OR8D4: variants seen among roughly 807,000 people sequenced by gnomAD.
OR8D4 encodes olfactory receptor family 8 subfamily D member 4, also known as olfactory receptor 8D4.
For synonymous variants in OR8D4, 141 were observed against 134.8 expected, an observed-to-expected ratio of 1.05 and a Z score of -0.32; for missense variants, 359 against 372.6, an observed-to-expected ratio of 0.96 and a Z score of 0.30.
chr11:123,904,331 C>T (rs917750329), intron 1 of OR8D4, among the ~76,000 whole-genome samples: 1 of 152,002 alleles, frequency 6.6e-6, no homozygotes, highest in East Asian at 1.9e-4. Flanking sequence ...GGAGAGGGAG[C>T]CCAGTAGGAA....
rs955343030 is a variant in OR8D4, at chr11:123,908,629, A to G, written c.*1253A>G. The G allele has an allele frequency of 6.6e-6, 1 of 152,258 alleles. No individual in the cohort carries two copies. The highest frequency in any genetic ancestry group is 2.1e-4 in the South Asian group (1 of 4,838). 9.4% of individuals were successfully genotyped at this position (152,258 alleles called of 1,614,324 possible). On this transcript the variant is annotated 3_prime_UTR_variant, in exon 2 of 2. Transcript: ENST00000641687. The stretch of plus-strand genomic sequence containing the variant: ...ATGATAGATAATACAGAGGTAGTTC[A>G]GTGAACAAACATAATTATAGATAAG...
rs61744420 is a variant in OR8D4 at position 123,907,047 on chromosome 11, A to C, written c.616A>C (p.Asn206His). Residue 206 changes from asparagine (N) to histidine (H), a missense_variant, in exon 2 of 2, where the codon AAC becomes CAC. Coordinates refer to ENST00000641687, the MANE Select transcript of OR8D4 (RefSeq NM_001005197.2). The part of the protein sequence containing the change: ...ELLIFVIGGF[N>H]MVATSLTIII... The stretch of plus-strand genomic sequence containing the variant: ...TTTGATTTTTGTCATTGGTGGATTT[A>C]ACATGGTGGCCACAAGCCTAACAAT... 1,105 of 1,614,084 alleles carry C rather than the reference A, an allele frequency of 6.8e-4. 6 individuals carry two copies. In the African/African-American group the frequency reaches 0.012, roughly 17 times the overall value.
rs1863219391 is a variant in OR8D4 at position 123,907,853 on chromosome 11, C to T, written c.*477C>T. 6.7e-6 allele frequency: 1 copy of T among 148,520 alleles called. No homozygotes were observed. The highest frequency in any genetic ancestry group is 1.5e-5 in the Non-Finnish European group (1 of 67,180). 9.2% of individuals were successfully genotyped at this position (148,520 alleles called of 1,614,324 possible). ...ATTACATTAATAACATGTAAAACAA[C>T]ATATATGAAAGTGAAAAGTAAAAAA... On this transcript the variant is annotated 3_prime_UTR_variant, in exon 2 of 2. Transcript: ENST00000641687.
At position 123,908,554 on chromosome 11, in the gene OR8D4, T is replaced by C. The variant is rs537522995; in HGVS notation, c.*1178T>C. The C allele has an allele frequency of 3.9e-5, 6 of 152,292 alleles. No homozygotes were observed. The East Asian group carries it at 1.2e-3, about 29-fold the overall frequency. The allele number at this position is 152,292 out of a possible 1,614,324, so 9.4% of individuals were successfully genotyped here. A position where few individuals can be genotyped will look rare whatever the true frequency, so the allele number is the denominator to read the frequency against. ...CACTGTTCTGAGTGTTGGAATATTA[T>C]GGTGAATATGATAGACAAGGTATCT... On this transcript the variant is annotated 3_prime_UTR_variant, in exon 2 of 2. Coordinates refer to ENST00000641687, the MANE Select transcript of OR8D4 (RefSeq NM_001005197.2).
In OR8D4 at chr11:123,906,385, A is replaced by T. The variant is rs545976883; in HGVS notation, c.-15-32A>T. The T allele has an allele frequency of 5.6e-6, 7 of 1,243,304 alleles. No homozygotes were observed. The East Asian group carries it at 1.2e-4, about 21-fold the overall frequency. The allele number at this position is 1,243,304 out of a possible 1,614,324, so 77.0% of individuals were successfully genotyped here. The stretch of plus-strand genomic sequence containing the variant: ...GTTTTCTATAGAAACAAACACTGAT[A>T]GAATTTGACTTTTTCTCTCTCATCT... On this transcript the variant is annotated intron_variant, in intron 1 of 1. Coordinates refer to ENST00000641687, the MANE Select transcript of OR8D4 (RefSeq NM_001005197.2).
At chr11:123,905,076 C>A (rs1388002297) in intron 1 of OR8D4, among the ~76,000 whole-genome samples, 1 of 152,146 alleles carries the variant, frequency 6.6e-6, no homozygotes, top group Non-Finnish European at 1.5e-5. Flanking sequence ...GCTTGCATTG[C>A]CAGTAGTGGC....
chr11:123,902,841 G>A (rs115680119), intron 1 of OR8D4, among the ~76,000 whole-genome samples: 354 of 152,208 alleles, frequency 2.3e-3, no homozygotes, highest in African/African-American at 7.9e-3. Flanking sequence ...TGGCTACTGA[G>A]CATTTGAAAT....
chr11:123,907,336 T>G lies in OR8D4; in HGVS notation c.905T>G (p.Met302Arg). 6.7e-7 allele frequency: 1 copy of G among 1,494,292 alleles called. No homozygotes were observed. The highest frequency in any genetic ancestry group is 9.2e-7 in the Non-Finnish European group (1 of 1,089,810). 92.6% of individuals were successfully genotyped at this position (1,494,292 alleles called of 1,614,324 possible). A position where few individuals can be genotyped will look rare whatever the true frequency, so the allele number is the denominator to read the frequency against. Residue 302 changes from methionine (M) to arginine (R), a missense_variant, in exon 2 of 2, where the codon ATG becomes AGG. Physicochemically the swap from Met to Arg is moderately conservative, Grantham distance 91. Coordinates refer to ENST00000641687, the MANE Select transcript of OR8D4 (RefSeq NM_001005197.2). ...AACAATGAAGTAAGAAATGCTCTGA[T>G]GAAACTTTTAAGAAGAAAAATATCT... ...LRNNEVRNAL[M>R]KLLRRKISLS...
chr11:123,906,562 G>A lies in OR8D4; in HGVS notation c.131G>A (p.Ser44Asn), dbSNP rs747006363. 5.6e-6 allele frequency: 9 copies of A among 1,613,896 alleles called. No homozygotes were observed. In the Admixed American group the frequency reaches 1.5e-4, roughly 27 times the overall value. The change falls in exon 2 of 2, where the codon AGC (serine) becomes AAC (asparagine). Residue 44 changes from serine (S) to asparagine (N), a missense_variant. Coordinates refer to ENST00000641687, the MANE Select transcript of OR8D4 (RefSeq NM_001005197.2). ...ACAGTTACTGTGGTGGGAAACCTCA[G>A]CATGATCTCAATTATTAGGCTGAAT... is the stretch of plus-strand genomic sequence containing the variant. ...IYTVTVVGNLSMISIIRLNRQ... is the reference protein window; with the variant it reads ...IYTVTVVGNLNMISIIRLNRQ...
At chr11:123,906,142 CT>C (rs112031300) in intron 1 of OR8D4, 5,570 of 298,340 alleles carry the variant, frequency 0.019, 301 homozygotes, top group African/African-American at 0.11. Flanking sequence ...CAGAAATCCC[CT>C]GGTTTTAAGC....
intron 1 of OR8D4, among the ~76,000 whole-genome samples, chr11:123,905,872 A>G (rs1440330686): frequency 6.6e-6 from 1 of 152,048 alleles, no homozygotes; most frequent in Admixed American, 6.6e-5. Context: ...CCTGCATCCA[A>G]CTATCACCAG....
intron 1 of OR8D4, 91 bp from the exon 2 acceptor site, chr11:123,906,326 T>C: frequency 1.3e-6 from 1 of 783,704 alleles, no homozygotes; most frequent in Non-Finnish European, 2.0e-6. Flanking sequence ...TAACACAAAG[T>C]CAGTGTTTTC....
intron 1 of OR8D4, among the ~76,000 whole-genome samples, chr11:123,904,369 TAA>T (rs1327113516): frequency 6.6e-6 from 1 of 152,112 alleles, no homozygotes; most frequent in African/African-American, 2.4e-5. Context: ...GAATTAAATA[TAA>T]GAGTGGTCAG....
chr11:123,902,574 C>T (rs574936236), intron 1 of OR8D4, among the ~76,000 whole-genome samples: 1 of 152,246 alleles, frequency 6.6e-6, no homozygotes, highest in South Asian at 2.1e-4. Flanking sequence ...ATTTGCATAA[C>T]AATCTTTTGA....
chr11:123,905,455 A>G (rs978444547), intron 1 of OR8D4, among the ~76,000 whole-genome samples: 10 of 152,204 alleles, frequency 6.6e-5, no homozygotes, highest in African/African-American at 1.9e-4. Flanking sequence ...CAGTTTAACT[A>G]TGTAATTCAG....
Position 123,907,282 on chromosome 11 carries a change from T to C in OR8D4, c.851T>C (p.Met284Thr), listed in dbSNP as rs779034358. The C allele has an allele frequency of 2.5e-6, 4 of 1,603,260 alleles. No individual in the cohort carries two copies. In the Admixed American group the frequency reaches 5.0e-5, roughly 20 times the overall value. Residue 284 changes from methionine (M) to threonine (T), a missense_variant, in exon 2 of 2, where the codon ATG (methionine) becomes ACG (threonine). By Grantham distance (81) the Met-to-Thr change is moderately conservative. Coordinates refer to ENST00000641687, the MANE Select transcript of OR8D4 (RefSeq NM_001005197.2). ...GTATTTTATACCACTGTGATTCTCA[T>C]GTTGAATCCCTTGATATATAGTCTG... ...SSVFYTTVIL[M>T]LNPLIYSLRN...
chr11:123,902,636 G>A (rs1421182634), intron 1 of OR8D4, among the ~76,000 whole-genome samples: 4 of 152,076 alleles, frequency 2.6e-5, no homozygotes, highest in Non-Finnish European at 5.9e-5. Flanking sequence ...GAGACTTTAT[G>A]AGTCAAAGGT....
At chr11:123,906,141 C>T in intron 1 of OR8D4, 1 of 295,332 alleles carries the variant, frequency 3.4e-6, no homozygotes, top group Non-Finnish European at 6.2e-6. Flanking sequence ...ACAGAAATCC[C>T]CTGGTTTTAA....
chr11:123,907,422 A>C lies in OR8D4; in HGVS notation c.*46A>C, dbSNP rs768299930. 13 of 801,138 alleles carry C rather than the reference A, an allele frequency of 1.6e-5. No homozygotes were observed. The highest frequency in any genetic ancestry group is 2.6e-5 in the Non-Finnish European group (13 of 505,244). 49.6% of individuals were successfully genotyped at this position (801,138 alleles called of 1,614,324 possible). On this transcript the variant is annotated 3_prime_UTR_variant, in exon 2 of 2. Coordinates refer to ENST00000641687, the MANE Select transcript of OR8D4 (RefSeq NM_001005197.2). ...TATTTCTGTATTCATAATCATGATT[A>C]TATGTATATATTTATACCTTGACTA...
Sources: gnomAD v4.1 joint callset for allele counts (sites outside exome capture counted in the v4.1 genomes callset) on GRCh38, gnomAD v4.1.1 for gene constraint, MANE v1.5 for transcripts, NCBI Gene and HGNC (gene_info 2026-07-23, HGNC 2026-07-21) for gene names.